Variants in GRM5 observed in about 807,000 individuals in gnomAD.
GRM5 encodes the protein glutamate metabotropic receptor 5, also known as metabotropic glutamate receptor 5.
Under a neutral mutation model 83.1 loss-of-function variants are expected in GRM5, and 19 were observed. That is an observed-to-expected ratio of 0.23 (90% CI 0.16 to 0.34). The LOEUF (loss-of-function observed/expected upper bound fraction) is 0.34, where lower values mean the gene tolerates loss of function less well. Ranked by LOEUF, GRM5 falls within the 10% of genes least tolerant of loss-of-function variation. The pLI, the probability that GRM5 is intolerant of heterozygous loss-of-function variation, is 1.00. For missense variants in GRM5, 1,160 were observed against 1,588.3 expected (o/e 0.73, Z 4.58); for synonymous variants, 675 against 633.6 (o/e 1.07, Z -0.98).
At chr11:88,828,078 A>G (rs1314863694) in intron 3 of GRM5, among the ~76,000 whole-genome samples, 1 of 152,194 alleles carries the variant, frequency 6.6e-6, no homozygotes, top group African/African-American at 2.4e-5. Flanking sequence ...AGAGAACAGT[A>G]AGTGCAAAAG....
chr11:88,804,137 G>T (rs867042541), intron 3 of GRM5, among the ~76,000 whole-genome samples: 1 of 151,640 alleles, frequency 6.6e-6, no homozygotes, highest in Non-Finnish European at 1.5e-5. Flanking sequence ...GCGATTCCTC[G>T]GGGATCTAGA....
At chr11:88,793,997 T>C (rs1943228134) in intron 3 of GRM5, among the ~76,000 whole-genome samples, 1 of 152,120 alleles carries the variant, frequency 6.6e-6, no homozygotes, top group African/African-American at 2.4e-5. Flanking sequence ...GCCTGGCTAA[T>C]TTTATATACA....
chr11:88,786,244 G>A (rs879275323), intron 3 of GRM5, among the ~76,000 whole-genome samples: 8 of 152,088 alleles, frequency 5.3e-5, no homozygotes, highest in Non-Finnish European at 7.4e-5. Flanking sequence ...AATGTGAATA[G>A]GAATTTGATA....
At chr11:88,707,273 A>C (rs1229855395) in intron 3 of GRM5, among the ~76,000 whole-genome samples, 1 of 152,116 alleles carries the variant, frequency 6.6e-6, no homozygotes, top group African/African-American at 2.4e-5. Context: ...TTAATATCTA[A>C]AAATACTTAG....
Position 89,028,446 on chromosome 11 carries a change from G to C in GRM5, c.661+18766C>G, listed in dbSNP as rs573346053. On this transcript the variant is annotated intron_variant, in intron 2 of 9. Transcript: ENST00000305447. Reference sequence around the variant, plus strand: ...AAAAATGAAAATAAAAAATTAGCCAGGAGTGGTGGTGTGCACCTGTAGTTC... The same window carrying C: ...AAAAATGAAAATAAAAAATTAGCCACGAGTGGTGGTGTGCACCTGTAGTTC... 4.0e-4 allele frequency among the ~76,000 whole-genome samples: 61 copies of C among 152,252 alleles called. No individual in the cohort carries two copies. In the South Asian group the frequency reaches 7.9e-3, roughly 20 times the overall value.
chr11:88,971,652 T>C (rs1279647510), intron 2 of GRM5, among the ~76,000 whole-genome samples: 1 of 152,190 alleles, frequency 6.6e-6, no homozygotes, highest in Non-Finnish European at 1.5e-5. Context: ...ATGGTGCATA[T>C]GTACCACTTT....
intron 9 of GRM5, among the ~76,000 whole-genome samples, chr11:88,520,113 A>G (rs10430819): frequency 0.025 from 3,750 of 152,242 alleles, 220 homozygotes; most frequent in East Asian, 0.21. Context: ...CATGGGAAGA[A>G]AAAAAATTAT....
intron 2 of GRM5, among the ~76,000 whole-genome samples, chr11:88,901,773 ATTTTC>A (rs1048796833): frequency 7.2e-5 from 11 of 152,000 alleles, no homozygotes; most frequent in African/African-American, 2.7e-4. Flanking sequence ...AGCCTCTGAT[ATTTTC>A]TTTTCATTTC....
Position 88,965,933 on chromosome 11 carries a change from G to A in GRM5, c.661+81279C>T, listed in dbSNP as rs572801443. ...ACATTTTATGCAATAGTTTACTGAA[G>A]AACAGCAGAATATGCATTGTTCCCT... On this transcript the variant is annotated intron_variant, in intron 2 of 9. Transcript: ENST00000305447. Among the ~76,000 whole-genome samples, 14 of 152,214 alleles carry A rather than the reference G, an allele frequency of 9.2e-5. No individual in the cohort carries two copies. In the East Asian group the frequency reaches 9.7e-4, roughly 10 times the overall value.
chr11:88,511,028 A>C (rs896519514), intron 9 of GRM5, among the ~76,000 whole-genome samples: 11 of 152,118 alleles, frequency 7.2e-5, no homozygotes, highest in African/African-American at 2.7e-4. Context: ...TCTGTGTAAG[A>C]CTCATCTAGG....
Position 88,629,494 on chromosome 11 carries a change from G to C in GRM5, c.1147+23674C>G, listed in dbSNP as rs146425477. 8.4e-4 allele frequency among the ~76,000 whole-genome samples: 128 copies of C among 152,250 alleles called. No homozygotes were observed. The Middle Eastern group carries it at 0.014, about 16-fold the overall frequency. On this transcript the variant is annotated intron_variant, in intron 4 of 9. Coordinates refer to ENST00000305447, the MANE Select transcript of GRM5 (RefSeq NM_001143831.3). ...CTGAGACCCCCTCCAGAGGTAGAGGGTTTTGGGAATTAGAATGCCTTCTTT... is the reference window on the plus strand; with the variant it reads ...CTGAGACCCCCTCCAGAGGTAGAGGCTTTTGGGAATTAGAATGCCTTCTTT...
intron 3 of GRM5, among the ~76,000 whole-genome samples, chr11:88,681,653 C>T (rs752839790): frequency 2.2e-5 from 3 of 133,628 alleles, no homozygotes; most frequent in Non-Finnish European, 4.6e-5. Context: ...CTCACTGCAA[C>T]CTCCCCTCCT....
At position 88,599,483 on chromosome 11, in the gene GRM5, A is replaced by G. The variant is rs1937915349; in HGVS notation, c.1395-2131T>C. Among the ~76,000 whole-genome samples, 3 of 152,364 alleles carry G rather than the reference A, an allele frequency of 2.0e-5. No individual in the cohort carries two copies. In the South Asian group the frequency reaches 6.2e-4, roughly 32 times the overall value. On this transcript the variant is annotated intron_variant, in intron 5 of 9. Transcript: ENST00000305447. ...AAATCTTGTTTTAGTACACTAAAAA[A>G]GAGAAATAGATAATATGTCTCCACA... is the stretch of plus-strand genomic sequence containing the variant.
chr11:88,966,937 A>C (rs939482596), intron 2 of GRM5, among the ~76,000 whole-genome samples: 6 of 152,106 alleles, frequency 3.9e-5, no homozygotes, highest in Admixed American at 2.6e-4. Flanking sequence ...CGGAATAAAG[A>C]CTGCATTTTC....
At chr11:88,542,596 G>T (rs1020433768) in intron 8 of GRM5, among the ~76,000 whole-genome samples, 1 of 152,150 alleles carries the variant, frequency 6.6e-6, no homozygotes. Context: ...GTTTGTAAAT[G>T]ATATACTTAA....
intron 3 of GRM5, among the ~76,000 whole-genome samples, chr11:88,693,035 A>G (rs1373831251): frequency 1.3e-5 from 2 of 152,206 alleles, no homozygotes; most frequent in Non-Finnish European, 2.9e-5. Flanking sequence ...TGGAGTTTGT[A>G]TCTCCTATGG....
At chr11:88,676,964 T>A (rs975416222) in intron 3 of GRM5, among the ~76,000 whole-genome samples, 8 of 152,028 alleles carry the variant, frequency 5.3e-5, no homozygotes, top group Admixed American at 2.0e-4. Flanking sequence ...AAAAATATAA[T>A]CTCTTCTGAT....
Position 89,009,918 on chromosome 11 carries a change from A to AAAAAAAC in GRM5, c.661+37293_661+37294insGTTTTTT, listed in dbSNP as rs1555059689. ...TCCGTCTCAAAAAAAAAAAAAAAAA[A>AAAAAAAC]AAAAAAAAAAAACACACACAAAATC... On this transcript the variant is annotated intron_variant, in intron 2 of 9. Coordinates refer to ENST00000305447, the MANE Select transcript of GRM5 (RefSeq NM_001143831.3). Among the ~76,000 whole-genome samples the AAAAAAAC allele has an allele frequency of 5.1e-4, 70 of 136,158 alleles. 4 individuals are homozygous for AAAAAAAC. Among genetic ancestry groups the AAAAAAAC allele is most frequent in the African/African-American group, 2.1e-3 (66 of 31,506 alleles). The allele number at this position is 136,158 out of a possible 152,430, so 89.3% of individuals were successfully genotyped here.
chr11:88,914,929 G>A (rs890385541), intron 2 of GRM5, among the ~76,000 whole-genome samples: 1 of 152,032 alleles, frequency 6.6e-6, no homozygotes, highest in African/African-American at 2.4e-5. Context: ...AAATGAAAAA[G>A]GGGATTATCA....
Sources: gnomAD v4.1 joint callset for allele counts (sites outside exome capture counted in the v4.1 genomes callset) on GRCh38, gnomAD v4.1.1 for gene constraint, MANE v1.5 for transcripts, NCBI Gene and HGNC (gene_info 2026-07-23, HGNC 2026-07-21) for gene names.